The following SNX1 variants were observed in gnomAD, a reference collection of about 807,000 sequenced individuals.
SNX1 encodes sorting nexin-1.
Under a neutral mutation model 71.8 loss-of-function variants are expected in SNX1, and 36 were observed. That is an observed-to-expected ratio of 0.50 (90% CI 0.38 to 0.66). SNX1 has a LOEUF of 0.66. SNX1 is among the 30% of genes least tolerant of loss of function. The probability of loss-of-function intolerance (pLI) is 0.00; values close to 1 mark genes in which losing one functional copy is unlikely to be tolerated. For synonymous variants in SNX1, 254 were observed against 240.7 expected (o/e 1.06, Z -0.51); for missense variants, 612 against 646.7 (o/e 0.95, Z 0.58).
intron 14 of SNX1, among the ~76,000 whole-genome samples, chr15:64,137,337 G>A (rs2081369145): frequency 6.6e-6 from 1 of 152,238 alleles, no homozygotes; most frequent in Non-Finnish European, 1.5e-5. Context: ...CCTCTGGGGT[G>A]GAGCCAAGAC....
chr15:64,131,221 T>G (rs895343462), intron 10 of SNX1, among the ~76,000 whole-genome samples: 47 of 152,238 alleles, frequency 3.1e-4, no homozygotes, highest in African/African-American at 1.1e-3. Context: ...AGGCGGAGGT[T>G]ACAGTGAGCT....
intron 1 of SNX1, among the ~76,000 whole-genome samples, chr15:64,102,772 T>TC (rs2080977693): frequency 7.0e-6 from 1 of 143,028 alleles, no homozygotes; most frequent in African/African-American, 2.6e-5. Flanking sequence ...TTTTTTTTTT[T>TC]TTTTTTTTTT....
At chr15:64,122,739 T>C (rs993811703) in intron 4 of SNX1, among the ~76,000 whole-genome samples, 1 of 152,180 alleles carries the variant, frequency 6.6e-6, no homozygotes, top group African/African-American at 2.4e-5. Flanking sequence ...CTGTGTCTGT[T>C]TGGATTCCAG....
chr15:64,109,894 C>T (rs1272085219), intron 1 of SNX1, among the ~76,000 whole-genome samples: 2 of 152,180 alleles, frequency 1.3e-5, no homozygotes, highest in African/African-American at 4.8e-5. Context: ...TTACACACTT[C>T]TGGGGGAATG....
In SNX1 at chr15:64,143,868, T is replaced by A. The variant is rs1369951420; in HGVS notation, c.*6250T>A. ...CAGAAATGCCCGTCATAGCACTGTT[T>A]ACAGTTGCAAAAACTGAAGCCAATT... On this transcript the variant is annotated 3_prime_UTR_variant, in exon 15 of 15. Transcript: ENST00000559844. 6.6e-6 allele frequency: 1 copy of A among 152,214 alleles called. No individual in the cohort carries two copies. Among genetic ancestry groups the A allele is most frequent in the Admixed American group, 6.5e-5 (1 of 15,280 alleles). The allele number at this position is 152,214 out of a possible 1,614,324, so 9.4% of individuals were successfully genotyped here.
chr15:64,116,297 G>C (rs55831904), intron 2 of SNX1, among the ~76,000 whole-genome samples: 6,922 of 152,310 alleles, frequency 0.045, 198 homozygotes, highest in South Asian at 0.085. Context: ...CAGAGGAGGG[G>C]TTGGTCTTGC....
chr15:64,131,173 G>A (rs904280753), intron 10 of SNX1, among the ~76,000 whole-genome samples: 2 of 152,018 alleles, frequency 1.3e-5, no homozygotes, highest in African/African-American at 4.8e-5. Flanking sequence ...AATCCCATCT[G>A]CTTGGGAGGC....
At chr15:64,111,350 A>G (rs1019650882) in intron 1 of SNX1, 2 of 152,262 alleles carry the variant, frequency 1.3e-5, no homozygotes, top group South Asian at 4.1e-4. Flanking sequence ...CTAAGTGTTC[A>G]TGAAACTTCA....
intron 2 of SNX1, among the ~76,000 whole-genome samples, chr15:64,114,231 C>A (rs1400151418): frequency 6.6e-6 from 1 of 151,886 alleles, no homozygotes; most frequent in Non-Finnish European, 1.5e-5. Context: ...AAGGTAATCA[C>A]AAACTAGTTC....
In SNX1 at chr15:64,138,593, G is replaced by A. The variant is rs1445785749; in HGVS notation, c.*975G>A. On this transcript the variant is annotated 3_prime_UTR_variant, in exon 15 of 15. Coordinates refer to ENST00000559844, the MANE Select transcript of SNX1 (RefSeq NM_003099.5). ...TAGATAGGGTGATCCAAGAGCTCCTGAACCTTAGGAGGTTCAAAGAAGCTC... is the reference window on the plus strand; with the variant it reads ...TAGATAGGGTGATCCAAGAGCTCCTAAACCTTAGGAGGTTCAAAGAAGCTC... The A allele has an allele frequency of 1.2e-5, 2 of 161,122 alleles. No individual in the cohort carries two copies. Among genetic ancestry groups the A allele is most frequent in the Non-Finnish European group, 2.7e-5 (2 of 73,598 alleles). 10.0% of individuals were successfully genotyped at this position (161,122 alleles called of 1,614,324 possible). A position where few individuals can be genotyped will look rare whatever the true frequency, so the allele number is the denominator to read the frequency against.
Position 64,129,107 on chromosome 15 carries a change from C to T in SNX1, c.808-809C>T, listed in dbSNP as rs2081281670. Among the ~76,000 whole-genome samples, 1 of 152,032 alleles carries T rather than the reference C, an allele frequency of 6.6e-6. No individual in the cohort carries two copies. The highest frequency in any genetic ancestry group is 6.6e-5 in the Admixed American group (1 of 15,266). On this transcript the variant is annotated intron_variant, in intron 8 of 14. Coordinates refer to ENST00000559844, the MANE Select transcript of SNX1 (RefSeq NM_003099.5). The surrounding 1 kb of genome is among the most constrained non-coding windows in gnomAD (Gnocchi z 4.4). ...ACTAAAAATACAAAAATTAGCGGGTCGTGGTGGCGGGCACCTATAATCCCA... is the reference window on the plus strand; with the variant it reads ...ACTAAAAATACAAAAATTAGCGGGTTGTGGTGGCGGGCACCTATAATCCCA...
intron 2 of SNX1, among the ~76,000 whole-genome samples, chr15:64,117,045 A>C (rs1296104772): frequency 6.6e-6 from 1 of 152,208 alleles, no homozygotes; most frequent in Non-Finnish European, 1.5e-5. Flanking sequence ...ATTAGGAAAA[A>C]TTCTTAAACC....
intron 3 of SNX1, 133 bp downstream of exon 3, chr15:64,118,377 C>T: frequency 1.0e-6 from 1 of 987,606 alleles, no homozygotes; most frequent in Non-Finnish European, 1.5e-6. Context: ...GGTTAATGGA[C>T]AGCCAGAATC....
intron 4 of SNX1, among the ~76,000 whole-genome samples, chr15:64,122,074 T>C (rs1350702535): frequency 1.3e-5 from 2 of 152,232 alleles, no homozygotes; most frequent in Admixed American, 6.5e-5. Flanking sequence ...TCTTTTCATG[T>C]ACATTGCCTA....
At chr15:64,122,473 A>T (rs2081205761) in intron 4 of SNX1, among the ~76,000 whole-genome samples, 1 of 152,168 alleles carries the variant, frequency 6.6e-6, no homozygotes, top group South Asian at 2.1e-4. Context: ...TAATCTTCAA[A>T]TTCTTGGTAA....
chr15:64,105,469 C>G (rs563103547), intron 1 of SNX1, among the ~76,000 whole-genome samples: 1 of 152,312 alleles, frequency 6.6e-6, no homozygotes, highest in East Asian at 1.9e-4. Context: ...TTGATAGTTA[C>G]TAGAGCAAGT....
chr15:64,132,797 G>A (rs1479208330), intron 11 of SNX1, among the ~76,000 whole-genome samples: 4 of 152,206 alleles, frequency 2.6e-5, no homozygotes, highest in African/African-American at 4.8e-5. Context: ...CACTTACCCC[G>A]TGGTGGAGAT....
intron 4 of SNX1, among the ~76,000 whole-genome samples, chr15:64,121,475 A>G (rs1285799332): frequency 2.0e-5 from 3 of 152,094 alleles, no homozygotes; most frequent in African/African-American, 7.2e-5. Flanking sequence ...CCTTCCCTCT[A>G]TGCATGTCTA....
chr15:64,127,507 C>T (rs970973397), intron 7 of SNX1, among the ~76,000 whole-genome samples: 6 of 152,130 alleles, frequency 3.9e-5, no homozygotes, highest in Non-Finnish European at 7.4e-5. Context: ...ATATGAATGG[C>T]TCTGAGGTTT....
Sources: gnomAD v4.1 joint callset for allele counts (sites outside exome capture counted in the v4.1 genomes callset) on GRCh38, gnomAD v4.1.1 for gene constraint, Gnocchi (gnomAD v3.1) non-coding constraint, MANE v1.5 for transcripts, NCBI Gene and HGNC (gene_info 2026-07-23, HGNC 2026-07-21) for gene names.